TM9SF1: variants seen among roughly 807,000 people sequenced by gnomAD.
TM9SF1 encodes transmembrane 9 superfamily member 1.
Under a neutral mutation model 52.4 loss-of-function variants are expected in TM9SF1, and 25 were observed. The observed-to-expected ratio is 0.48, with a 90% CI of 0.35 to 0.67. The LOEUF is 0.67. Ranked by LOEUF, TM9SF1 falls within the 30% of genes least tolerant of loss-of-function variation. TM9SF1 has a pLI of 0.01. For missense variants in TM9SF1, 604 were observed against 780.3 expected, an observed-to-expected ratio of 0.77 and a Z score of 2.69; for synonymous variants, 284 against 299.8, an observed-to-expected ratio of 0.95 and a Z score of 0.55.
At chr14:24,191,596 T>G (rs145428598) in intron 4 of TM9SF1, 1 of 152,774 alleles carries the variant, frequency 6.5e-6, no homozygotes, top group Non-Finnish European at 1.5e-5. Context: ...TAAGCAGCCT[T>G]TAGTTCAGTT....
At chr14:24,190,063 G>T in intron 5 of TM9SF1, 1 of 1,355,962 alleles carries the variant, frequency 7.4e-7, no homozygotes, top group Non-Finnish European at 9.5e-7. Flanking sequence ...TTTATTCTTT[G>T]CCTGGCACAA....
Position 24,192,159 on chromosome 14 carries a change from G to C in TM9SF1, c.1153+12C>G. 6.2e-7 allele frequency: 1 copy of C among 1,613,642 alleles called. No homozygotes were observed. The highest frequency in any genetic ancestry group is 1.1e-5 in the South Asian group (1 of 91,072). The stretch of plus-strand genomic sequence containing the variant: ...GTCCAGAAAGGCCCACCAGGGAAAG[G>C]AAAGTCCTCACCAGAGAAGAGACTG... On this transcript the variant is annotated intron_variant, in intron 4 of 5. Coordinates refer to ENST00000261789, the MANE Select transcript of TM9SF1 (RefSeq NM_006405.7). This position sits in a 1 kb window ranked among gnomAD's most constrained non-coding sequence, Gnocchi z 4.0.
rs1313309068 is a variant in TM9SF1 at position 24,194,801 on chromosome 14, A to G, written c.219T>C (p.Arg73=). 1 of 1,614,216 alleles carries G rather than the reference A, an allele frequency of 6.2e-7. No homozygotes were observed. The highest frequency in any genetic ancestry group is 1.1e-5 in the South Asian group (1 of 91,086). ...CTTCACCCAGGCTAAGGCTTTTGTG[A>G]CGTATCTTCTCAGGGCAGCAGACTG... ...QLPVCCPEKI[R]HKSLSLGEVL... Residue 73 remains arginine, a synonymous_variant, in exon 2 of 6, where the codon CGT becomes CGC. Transcript: ENST00000261789.
In TM9SF1 at chr14:24,190,663, T is replaced by A; in HGVS notation, c.1154-10A>T. On this transcript the variant is annotated splice_polypyrimidine_tract_variant and intron_variant, in intron 4 of 5. Coordinates refer to ENST00000261789, the MANE Select transcript of TM9SF1 (RefSeq NM_006405.7). Reference sequence around the variant, plus strand: ...GTCAGGAAGAAAGGCACTGCAGGGATGGGCCCCCGGAGGGAGGGTCAACAC... The same window carrying A: ...GTCAGGAAGAAAGGCACTGCAGGGAAGGGCCCCCGGAGGGAGGGTCAACAC... The A allele has an allele frequency of 6.2e-7, 1 of 1,602,210 alleles. No individual in the cohort carries two copies. Among genetic ancestry groups the A allele is most frequent in the African/African-American group, 1.3e-5 (1 of 74,732 alleles).
rs1161486962 is a variant in TM9SF1, at chr14:24,190,452, C to T, written c.1355G>A (p.Arg452Gln). The change falls in exon 5 of 6, where the codon CGG (arginine) becomes CAG (glutamine). Residue 452 changes from arginine (R) to glutamine (Q), a missense_variant. This residue lies in a region of TM9SF1 where 450 missense variants were observed against 560.1 expected (regional missense o/e 0.80). Transcript: ENST00000261789. ...GTACCAGGGCTGGGGTGGAATCTCCCGGGCGATGTTCTTGGTGCGACAGGG... is the reference window on the plus strand; with the variant it reads ...GTACCAGGGCTGGGGTGGAATCTCCTGGGCGATGTTCTTGGTGCGACAGGG... ...DAPCRTKNIA[R>Q]EIPPQPWYKS... The T allele has an allele frequency of 6.2e-6, 10 of 1,613,476 alleles. No homozygotes were observed. Among genetic ancestry groups the T allele is most frequent in the African/African-American group, 2.7e-5 (2 of 74,870 alleles).
intron 1 of TM9SF1, 141 bp from the exon 2 acceptor site, chr14:24,195,177 C>G (rs1199876203): frequency 4.8e-6 from 3 of 619,480 alleles, no homozygotes; most frequent in Non-Finnish European, 8.5e-6. Flanking sequence ...TCTCTCTATC[C>G]CAAAGACCCC....
In TM9SF1 at chr14:24,189,436, A is replaced by T; in HGVS notation, c.1800T>A (p.Tyr600Ter). ...GAACTCAGTCCATCTTGAGGTTAAC[A>T]TAGATATACCGGATGAACTTTAGGG... ...FSSLKFIRYI[Y>*]VNLKMD Residue 600 changes from tyrosine (Y) to a stop codon, truncating the protein, a stop_gained, in exon 6 of 6, where the codon TAT becomes TAA. Transcript: ENST00000261789. LOFTEE classifies it high-confidence loss of function. 1 of 1,613,770 alleles carries T rather than the reference A, an allele frequency of 6.2e-7. No individual in the cohort carries two copies. The highest frequency in any genetic ancestry group is 8.5e-7 in the Non-Finnish European group (1 of 1,179,880).
Position 24,189,567 on chromosome 14 carries a change from G to A in TM9SF1, c.1669C>T (p.Arg557Cys), listed in dbSNP as rs768120763. Residue 557 changes from arginine to cysteine, a missense_variant, in exon 6 of 6, where the codon CGC becomes TGC. Transcript: ENST00000261789. ...FLYSVFYYARRSNMSGAVQTV... is the reference protein window; with the variant it reads ...FLYSVFYYARCSNMSGAVQTV... ...TGTACTGCCCCAGACATGTTGGAGC[G>A]CCGGGCATAATAGAAAACTGAGTAG... 3.1e-6 allele frequency: 5 copies of A among 1,614,144 alleles called. No homozygotes were observed. The highest frequency in any genetic ancestry group is 2.2e-5 in the East Asian group (1 of 44,888).
At chr14:24,195,181 A>C (rs1487954989) in intron 1 of TM9SF1, 145 bp from the exon 2 acceptor site, 2 of 617,814 alleles carry the variant, frequency 3.2e-6, no homozygotes, top group Non-Finnish European at 5.7e-6. Flanking sequence ...TCTATCCCAA[A>C]GACCCCGCTC....
In TM9SF1 at chr14:24,195,264, A is replaced by G. The variant is rs1250310412; in HGVS notation, c.-18+82T>C. On this transcript the variant is annotated intron_variant, in intron 1 of 5. Coordinates refer to ENST00000261789, the MANE Select transcript of TM9SF1 (RefSeq NM_006405.7). ...GCCCGTCTGGCCCGGGGCCTCTACT[A>G]CGCGCCCTGGCCCGTTTCCATGGCA... 2.5e-5 allele frequency: 13 copies of G among 511,162 alleles called. No homozygotes were observed. The Middle Eastern group carries it at 1.5e-3, about 61-fold the overall frequency. The allele number at this position is 511,162 out of a possible 1,614,324, so 31.7% of individuals were successfully genotyped here.
At position 24,192,450 on chromosome 14, in the gene TM9SF1, G is replaced by T; in HGVS notation, c.968-94C>A. The T allele has an allele frequency of 6.9e-7, 1 of 1,451,860 alleles. No individual in the cohort carries two copies. The highest frequency in any genetic ancestry group is 9.3e-7 in the Non-Finnish European group (1 of 1,071,828). 89.9% of individuals were successfully genotyped at this position (1,451,860 alleles called of 1,614,324 possible). A position where few individuals can be genotyped will look rare whatever the true frequency, so the allele number is the denominator to read the frequency against. On this transcript the variant is annotated intron_variant, in intron 3 of 5. Coordinates refer to ENST00000261789, the MANE Select transcript of TM9SF1 (RefSeq NM_006405.7). The surrounding 1 kb of genome is among the most constrained non-coding windows in gnomAD (Gnocchi z 4.0). ...CAGCCCCCCTTCTCCCAGACCCAGG[G>T]CCTCCAGCAAAACAATCTCCCCCAG...
In TM9SF1 at chr14:24,195,441, T is replaced by G; in HGVS notation, c.-113A>C. On this transcript the variant is annotated 5_prime_UTR_variant, in exon 1 of 6. Transcript: ENST00000261789. ...TGGGGTCTCTCCCACAGCGGCGCGG[T>G]AGCGGCGGGTTGGAGAGGACCTGCC... is the stretch of plus-strand genomic sequence containing the variant. 1 of 180,400 alleles carries G rather than the reference T, an allele frequency of 5.5e-6. No individual in the cohort carries two copies. Among genetic ancestry groups the G allele is most frequent in the Non-Finnish European group, 1.2e-5 (1 of 84,834 alleles). 11.2% of individuals were successfully genotyped at this position (180,400 alleles called of 1,614,324 possible).
At position 24,192,263 on chromosome 14, in the gene TM9SF1, C is replaced by G. The variant is rs1158557730; in HGVS notation, c.1061G>C (p.Cys354Ser). The G allele has an allele frequency of 6.2e-7, 1 of 1,614,064 alleles. No individual in the cohort carries two copies. The highest frequency in any genetic ancestry group is 8.5e-7 in the Non-Finnish European group (1 of 1,180,038). ...AAILLYALTC[C>S]ISGYVSSHFY... is the part of the protein sequence containing the mutation. ...GTGGCTGGACACGTAGCCAGAGATG[C>G]AGCAGGTCAGGGCATACAACAAGAT... The change falls in exon 4 of 6, where the codon TGC (cysteine) becomes TCC (serine). Residue 354 changes from cysteine (C) to serine (S), a missense_variant. Transcript: ENST00000261789. This position sits in a 1 kb window ranked among gnomAD's most constrained non-coding sequence, Gnocchi z 4.0.
rs918878564 is a variant in TM9SF1, at chr14:24,192,432, C to T, written c.968-76G>A. 1.4e-5 allele frequency: 21 copies of T among 1,520,874 alleles called. No homozygotes were observed. Among genetic ancestry groups the T allele is most frequent in the Non-Finnish European group, 1.7e-5 (19 of 1,118,014 alleles). The allele number at this position is 1,520,874 out of a possible 1,614,324, so 94.2% of individuals were successfully genotyped here. The stretch of plus-strand genomic sequence containing the variant: ...TAGCAATTTCAGAGGAATCAGCCCC[C>T]CTTCTCCCAGACCCAGGGCCTCCAG... On this transcript the variant is annotated intron_variant, in intron 3 of 5. Transcript: ENST00000261789. This position sits in a 1 kb window ranked among gnomAD's most constrained non-coding sequence, Gnocchi z 4.0.
chr14:24,190,302 G>A (rs1184658373), intron 5 of TM9SF1, 78 bp downstream of exon 5: 8 of 1,518,706 alleles, frequency 5.3e-6, no homozygotes, highest in Non-Finnish European at 7.1e-6. Flanking sequence ...GGTTGGGTTA[G>A]GGTACTGGAT....
intron 5 of TM9SF1, 57 bp from the exon 6 acceptor site, chr14:24,189,865 G>A: frequency 6.6e-7 from 1 of 1,517,218 alleles, no homozygotes. Flanking sequence ...TCAGCACAGT[G>A]GCTGGGCTGA....
intron 5 of TM9SF1, chr14:24,190,094 A>T (rs921484444): frequency 7.4e-7 from 1 of 1,359,652 alleles, no homozygotes; most frequent in African/African-American, 1.5e-5. Context: ...AACAAAGTAA[A>T]TGGGTCATCA....
chr14:24,192,653 C>A lies in TM9SF1; in HGVS notation c.962G>T (p.Gly321Val), dbSNP rs1367662040. The change falls in exon 3 of 6, where the codon GGC (glycine) becomes GTC (valine). Residue 321 changes from glycine (G) to valine (V), a missense_variant. This residue lies in a region of TM9SF1 where 450 missense variants were observed against 560.1 expected (regional missense o/e 0.80). Coordinates refer to ENST00000261789, the MANE Select transcript of TM9SF1 (RefSeq NM_006405.7). This position sits in a 1 kb window ranked among gnomAD's most constrained non-coding sequence, Gnocchi z 4.0. ...ATTCATTTTTATCACCTCACCAGTGCCAAGGGCCAGGAACTGGGCACCCAC... is the reference window on the plus strand; with the variant it reads ...ATTCATTTTTATCACCTCACCAGTGACAAGGGCCAGGAACTGGGCACCCAC... ...LGVGAQFLAL[G>V]TGIIVMALLG... The A allele has an allele frequency of 1.3e-6, 2 of 1,561,604 alleles. No homozygotes were observed. The highest frequency in any genetic ancestry group is 2.3e-5 in the East Asian group (1 of 44,410).
chr14:24,191,986 T>G, intron 4 of TM9SF1, 185 bp downstream of exon 4: 1 of 599,298 alleles, frequency 1.7e-6, no homozygotes. Flanking sequence ...CCGGCTAATT[T>G]TTTGTTATAG....
Sources: allele counts gnomAD v4.1 joint callset, GRCh38; gene constraint gnomAD v4.1.1; regional missense constraint gnomAD v4.1.1; non-coding constraint Gnocchi (gnomAD v3.1); transcripts MANE v1.5; gene names NCBI Gene and HGNC (gene_info 2026-07-23, HGNC 2026-07-21).